The following EEFSEC variants were observed in gnomAD, a reference collection of about 807,000 sequenced individuals.
EEFSEC encodes eukaryotic elongation factor, selenocysteine-tRNA specific.
In EEFSEC, 43 loss-of-function variants were observed where a neutral mutation model predicts 42.1. The observed-to-expected ratio is 1.02, with a 90% confidence interval of 0.80 to 1.32. The LOEUF is 1.32. EEFSEC is among the 40% of genes most tolerant of loss of function. The pLI, the probability that EEFSEC is intolerant of heterozygous loss-of-function variation, is 0.00. For missense variants in EEFSEC, 745 were observed against 803.6 expected (o/e 0.93, Z 0.88); for synonymous variants, 354 against 339.1 (o/e 1.04, Z -0.48).
chr3:128,401,245 GAGGC>G (rs2068045048), intron 6 of EEFSEC, among the ~76,000 whole-genome samples: 1 of 152,204 alleles, frequency 6.6e-6, no homozygotes, highest in African/African-American at 2.4e-5. Flanking sequence ...TCTGGTCCTG[GAGGC>G]AGGGGTCCTG....
intron 1 of EEFSEC, among the ~76,000 whole-genome samples, chr3:128,219,397 C>T (rs1044347231): frequency 1.4e-4 from 22 of 152,206 alleles, no homozygotes; most frequent in Admixed American, 4.6e-4. Flanking sequence ...GCCTTCAAGG[C>T]TCCTGGTGAC....
chr3:128,200,744 A>G (rs989178395), intron 1 of EEFSEC, among the ~76,000 whole-genome samples: 7 of 152,222 alleles, frequency 4.6e-5, no homozygotes, highest in South Asian at 4.1e-4. Flanking sequence ...CCGCAGAACA[A>G]TCGTGAGACT....
intron 6 of EEFSEC, among the ~76,000 whole-genome samples, chr3:128,364,363 G>C (rs1360576846): frequency 1.3e-5 from 2 of 152,188 alleles, no homozygotes; most frequent in Non-Finnish European, 2.9e-5. Context: ...CATCCTGAGA[G>C]GAGGGCCAGA....
At chr3:128,164,681 C>T (rs1208766877) in intron 1 of EEFSEC, among the ~76,000 whole-genome samples, 1 of 152,134 alleles carries the variant, frequency 6.6e-6, no homozygotes, top group African/African-American at 2.4e-5. Context: ...AGCTAGAGGA[C>T]TCAGAGTAAA....
At chr3:128,264,817 G>T (rs376701534) in intron 4 of EEFSEC, 36 bp downstream of exon 4, 1 of 1,594,400 alleles carries the variant, frequency 6.3e-7, no homozygotes, top group African/African-American at 1.3e-5. Context: ...TGGCCTCCTC[G>T]CTGGCAGCAA....
At chr3:128,166,024 A>C (rs1157761676) in intron 1 of EEFSEC, among the ~76,000 whole-genome samples, 3 of 152,184 alleles carry the variant, frequency 2.0e-5, no homozygotes, top group African/African-American at 7.2e-5. Flanking sequence ...TTGTGTTCTC[A>C]GCATTCTCTA....
chr3:128,294,940 C>CA (rs1232031090), intron 4 of EEFSEC, among the ~76,000 whole-genome samples: 4 of 152,228 alleles, frequency 2.6e-5, no homozygotes, highest in Non-Finnish European at 4.4e-5. Context: ...CATGTACCTC[C>CA]AGGCCTCTGC....
the EEFSEC span, among the ~76,000 whole-genome samples, chr3:128,416,832 G>C: frequency 1.3e-5 from 2 of 152,276 alleles, no homozygotes; most frequent in East Asian, 3.9e-4. Flanking sequence ...GAAATGAAGA[G>C]ATGGGTTCCT....
downstream of EEFSEC, among the ~76,000 whole-genome samples, chr3:128,410,156 G>A (rs949982260): frequency 6.6e-5 from 10 of 152,318 alleles, no homozygotes; most frequent in Middle Eastern, 3.4e-3. Context: ...AGCTGCTGGT[G>A]AGGGCCAGCA....
intron 4 of EEFSEC, among the ~76,000 whole-genome samples, chr3:128,305,168 A>G (rs2066813085): frequency 6.6e-6 from 1 of 152,058 alleles, no homozygotes; most frequent in Non-Finnish European, 1.5e-5. Context: ...TTCATGGCGT[A>G]TTTTGGAGTG....
At chr3:128,206,728 CATAGTGACCTGTAAGGTAGG>C (rs1408145447) in intron 1 of EEFSEC, among the ~76,000 whole-genome samples, 30 of 152,204 alleles carry the variant, frequency 2.0e-4, no homozygotes, top group African/African-American at 7.0e-4. Context: ...TTTCGATCCT[CATAGTGACCTGTAAGGTAGG>C]TGGGCTCCTC....
chr3:128,277,074 G>C (rs892499330), intron 4 of EEFSEC, among the ~76,000 whole-genome samples: 2 of 152,192 alleles, frequency 1.3e-5, no homozygotes, highest in African/African-American at 4.8e-5. Context: ...CCTCTGGCCT[G>C]GCACCTCAGG....
At chr3:128,397,551 G>T (rs2067995935) in intron 6 of EEFSEC, among the ~76,000 whole-genome samples, 1 of 152,248 alleles carries the variant, frequency 6.6e-6, no homozygotes, top group Admixed American at 6.5e-5. Flanking sequence ...CATCCCAGCT[G>T]CCAATCTGCA....
At chr3:128,154,031 C>T (rs1443884109) in intron 1 of EEFSEC, 1 of 539,176 alleles carries the variant, frequency 1.9e-6, no homozygotes, top group Non-Finnish European at 2.9e-6. Flanking sequence ...TCCCATCCAG[C>T]AGAACCGAGC....
At chr3:128,163,938 G>GA (rs34767342) in intron 1 of EEFSEC, among the ~76,000 whole-genome samples, 8,563 of 123,920 alleles carry the variant, frequency 0.069, 732 homozygotes, top group African/African-American at 0.2. Context: ...ATTTTTTTGT[G>GA]AAAAAAAAAA....
chr3:128,393,607 C>G (rs2067943306), intron 6 of EEFSEC, among the ~76,000 whole-genome samples: 1 of 152,232 alleles, frequency 6.6e-6, no homozygotes, highest in African/African-American at 2.4e-5. Context: ...AGGATCTGAG[C>G]CTGTGGCCAC....
chr3:128,200,506 T>C (rs1409294846), intron 1 of EEFSEC, among the ~76,000 whole-genome samples: 1 of 152,138 alleles, frequency 6.6e-6, no homozygotes, highest in Non-Finnish European at 1.5e-5. Flanking sequence ...CAGGCTGGTC[T>C]CGAGCTCCCC....
chr3:128,379,085 T>C (rs2067743568), intron 6 of EEFSEC, among the ~76,000 whole-genome samples: 1 of 152,222 alleles, frequency 6.6e-6, no homozygotes, highest in South Asian at 2.1e-4. Context: ...GCCACTGCCC[T>C]TTGTGGATCT....
At chr3:128,297,394 G>A (rs1054484948) in intron 4 of EEFSEC, among the ~76,000 whole-genome samples, 12 of 152,158 alleles carry the variant, frequency 7.9e-5, no homozygotes, top group African/African-American at 2.7e-4. Context: ...CCTCACTGCT[G>A]TAGTTTCCTT....
Sources: allele counts gnomAD v4.1 joint callset (sites outside exome capture counted in the v4.1 genomes callset), GRCh38; gene constraint gnomAD v4.1.1; transcripts MANE v1.5; gene names NCBI Gene and HGNC (gene_info 2026-07-23, HGNC 2026-07-21).